The following ALK variants were observed in gnomAD, a reference collection of about 807,000 sequenced individuals.
The protein encoded by ALK is ALK tyrosine kinase receptor.
A neutral mutation model predicts 163.1 loss-of-function variants in ALK; 74 were observed. That is an observed-to-expected ratio of 0.45 (90% confidence interval 0.38 to 0.55). ALK has a LOEUF of 0.55. ALK is among the 20% of genes least tolerant of loss of function. The probability of loss-of-function intolerance (pLI) is 0.00; values close to 1 mark genes in which losing one functional copy is unlikely to be tolerated. For synonymous variants in ALK, 960 were observed against 843.2 expected, an observed-to-expected ratio of 1.14 and a Z score of -2.40; for missense variants, 2,063 against 2,105.3, an observed-to-expected ratio of 0.98 and a Z score of 0.39.
intron 3 of ALK, among the ~76,000 whole-genome samples, chr2:29,587,870 G>A (rs1674933081): frequency 6.6e-6 from 1 of 152,176 alleles, no homozygotes; most frequent in Admixed American, 6.5e-5. Context: ...AACAGTGAAG[G>A]CCTGGTTCAG....
At chr2:29,792,220 T>C (rs778233316) in intron 1 of ALK, among the ~76,000 whole-genome samples, 1 of 152,200 alleles carries the variant, frequency 6.6e-6, no homozygotes, top group Non-Finnish European at 1.5e-5. Flanking sequence ...TTAAAATGTG[T>C]GGTGCTAACA....
intron 4 of ALK, among the ~76,000 whole-genome samples, chr2:29,453,531 T>C (rs766221674): frequency 5.9e-5 from 9 of 152,140 alleles, no homozygotes; most frequent in African/African-American, 1.9e-4. Flanking sequence ...CCACCGGACC[T>C]GGCCTAAAAT....
Position 29,305,825 on chromosome 2 carries a change from G to A in ALK, c.1648-8768C>T, listed in dbSNP as rs115854211. On this transcript the variant is annotated intron_variant, in intron 8 of 28. Coordinates refer to ENST00000389048, the MANE Select transcript of ALK (RefSeq NM_004304.5). ...ATGATTCAAGCACATTACATATATC[G>A]TGCACTTTATTTCTATTATTATTAC... Among the ~76,000 whole-genome samples, 326 of 152,082 alleles carry A rather than the reference G, an allele frequency of 2.1e-3. 1 individual carries two copies. Among genetic ancestry groups the A allele is most frequent in the African/African-American group, 7.6e-3 (317 of 41,464 alleles).
chr2:29,443,871 T>C (rs1053965412), intron 4 of ALK, among the ~76,000 whole-genome samples: 11 of 152,310 alleles, frequency 7.2e-5, no homozygotes, highest in South Asian at 4.1e-4. Flanking sequence ...AGCTCACTGA[T>C]AGTCATGCTA....
intron 3 of ALK, among the ~76,000 whole-genome samples, chr2:29,555,250 C>T (rs921871284): frequency 1.3e-5 from 2 of 152,094 alleles, no homozygotes; most frequent in African/African-American, 2.4e-5. Context: ...CTCCAATTCC[C>T]CATAGTCCCC....
At chr2:29,565,985 C>T (rs10180728) in intron 3 of ALK, among the ~76,000 whole-genome samples, 3 of 152,076 alleles carry the variant, frequency 2.0e-5, no homozygotes, top group Non-Finnish European at 2.9e-5. Context: ...CTTACTTCTT[C>T]GAGTGACTCT....
chr2:29,233,337 C>T (rs181896233), intron 14 of ALK, among the ~76,000 whole-genome samples: 18 of 152,136 alleles, frequency 1.2e-4, no homozygotes, highest in Middle Eastern at 3.4e-3. Context: ...GTAGAGACAA[C>T]GTTTTGGTAT....
chr2:29,196,827 C>T lies in ALK; in HGVS notation c.4107G>A (p.Gln1369=). Residue 1369 remains glutamine, a synonymous_variant, in exon 28 of 29, where the codon CAG becomes CAA. Transcript: ENST00000389048. ...TGGCAAAGTTGGGCCTGTCTTCAGG[C>T]TGATGTTGCCAGCACTGAGTCATTA... ...YRIMTQCWQH[Q]PEDRPNFAII... 1 of 1,614,102 alleles carries T rather than the reference C, an allele frequency of 6.2e-7. No homozygotes were observed. Among genetic ancestry groups the T allele is most frequent in the South Asian group, 1.1e-5 (1 of 91,090 alleles).
rs143846879 is a variant in ALK, at chr2:29,235,164, C to T, written c.2356-1468G>A. Among the ~76,000 whole-genome samples, 995 of 152,350 alleles carry T rather than the reference C, an allele frequency of 6.5e-3. 18 individuals carry two copies. The highest frequency in any genetic ancestry group is 0.022 in the African/African-American group (933 of 41,582). On this transcript the variant is annotated intron_variant, in intron 13 of 28. Coordinates refer to ENST00000389048, the MANE Select transcript of ALK (RefSeq NM_004304.5). ...TAGGATGGTGCTTCAAAAACAGCCA[C>T]GCCTGCTTGTCGGCCACCACAGCTC...
rs1017556934 is a variant in ALK at position 29,781,398 on chromosome 2, T to A, written c.668-63701A>T. ...CTCCCAGGCTTACTGATAGGTCTAG[T>A]GTGCCAGTTTCCCCATCCTCCTTGC... On this transcript the variant is annotated intron_variant, in intron 1 of 28. Transcript: ENST00000389048. 4.6e-5 allele frequency among the ~76,000 whole-genome samples: 7 copies of A among 152,208 alleles called. No homozygotes were observed. In the South Asian group the frequency reaches 1.2e-3, roughly 27 times the overall value.
At chr2:29,687,805 A>G (rs1678282213) in intron 3 of ALK, among the ~76,000 whole-genome samples, 1 of 152,148 alleles carries the variant, frequency 6.6e-6, no homozygotes, top group Non-Finnish European at 1.5e-5. Context: ...ATATTTCCCC[A>G]TATTATTCAA....
At chr2:29,728,840 C>G (rs896692609) in intron 1 of ALK, among the ~76,000 whole-genome samples, 1 of 152,100 alleles carries the variant, frequency 6.6e-6, no homozygotes, top group Non-Finnish European at 1.5e-5. Context: ...CAAAGAACCC[C>G]TTGGAGATGA....
intron 5 of ALK, among the ~76,000 whole-genome samples, chr2:29,356,559 T>G (rs1407176196): frequency 1.3e-5 from 2 of 152,208 alleles, no homozygotes; most frequent in African/African-American, 4.8e-5. Flanking sequence ...TCTCCGCACT[T>G]TGCTGCCTCT....
At chr2:29,709,882 T>C (rs943771441) in intron 2 of ALK, among the ~76,000 whole-genome samples, 1 of 152,196 alleles carries the variant, frequency 6.6e-6, no homozygotes, top group South Asian at 2.1e-4. Context: ...CTGATTGGAA[T>C]GTTGGGGGTA....
At chr2:29,529,007 T>C (rs956157998) in intron 4 of ALK, among the ~76,000 whole-genome samples, 7 of 152,192 alleles carry the variant, frequency 4.6e-5, no homozygotes, top group Non-Finnish European at 8.8e-5. Context: ...TGCTCTGTGA[T>C]TCATTAGACC....
At chr2:29,734,965 T>C (rs927928904) in intron 1 of ALK, among the ~76,000 whole-genome samples, 5 of 152,208 alleles carry the variant, frequency 3.3e-5, no homozygotes, top group African/African-American at 1.2e-4. Context: ...TTAATAATAA[T>C]GTAATAATTG....
At chr2:29,373,249 A>G (rs1435151021) in intron 5 of ALK, among the ~76,000 whole-genome samples, 2 of 152,266 alleles carry the variant, frequency 1.3e-5, no homozygotes, top group Non-Finnish European at 2.9e-5. Flanking sequence ...CATTTTAATG[A>G]ATTAAAAGTT....
At chr2:29,711,910 C>G (rs1679115732) in intron 2 of ALK, among the ~76,000 whole-genome samples, 1 of 152,100 alleles carries the variant, frequency 6.6e-6, no homozygotes, top group African/African-American at 2.4e-5. Flanking sequence ...ACTTGTTTTT[C>G]TCACCTTTGT....
intron 3 of ALK, among the ~76,000 whole-genome samples, chr2:29,573,439 T>C (rs1160674432): frequency 2.0e-5 from 3 of 152,230 alleles, no homozygotes; most frequent in Non-Finnish European, 4.4e-5. Context: ...ATGCTTATCT[T>C]TTGCATTTGT....
Sources: allele counts gnomAD v4.1 joint callset (sites outside exome capture counted in the v4.1 genomes callset), GRCh38; gene constraint gnomAD v4.1.1; transcripts MANE v1.5; gene names NCBI Gene and HGNC (gene_info 2026-07-23, HGNC 2026-07-21).